SERPINF1: variants seen among roughly 807,000 people sequenced by gnomAD.
SERPINF1 encodes the protein serpin family F member 1.
SERPINF1 carries 29 observed loss-of-function variants against 37.3 expected under a neutral mutation model. The observed-to-expected ratio is 0.78, with a 90% CI of 0.58 to 1.06. SERPINF1 has a LOEUF of 1.06. SERPINF1 is among the 50% of genes least tolerant of loss of function. The probability of loss-of-function intolerance (pLI) is 0.00; values close to 1 mark genes in which losing one functional copy is unlikely to be tolerated. For missense variants in SERPINF1, 553 were observed against 532.2 expected (o/e 1.04, Z -0.38); for synonymous variants, 281 against 227.9 (o/e 1.23, Z -2.10).
chr17:1,776,414 C>T, intron 6 of SERPINF1, 118 bp from the exon 7 acceptor site: 2 of 872,476 alleles, frequency 2.3e-6, no homozygotes, highest in Non-Finnish European at 3.9e-6. Flanking sequence ...AGATGAGGGG[C>T]TGGATGAAGG....
At chr17:1,773,396 C>T (rs1369032929) in intron 5 of SERPINF1, among the ~76,000 whole-genome samples, 1 of 152,200 alleles carries the variant, frequency 6.6e-6, no homozygotes, top group Non-Finnish European at 1.5e-5. Context: ...CAGGCGCCCG[C>T]CACCACACCC....
At chr17:1,773,509 C>G (rs548719865) in intron 5 of SERPINF1, among the ~76,000 whole-genome samples, 1 of 152,034 alleles carries the variant, frequency 6.6e-6, no homozygotes, top group South Asian at 2.1e-4. Context: ...CGGCCTCCCA[C>G]AGTGCTGGGA....
In SERPINF1 at chr17:1,771,880, A is replaced by G. The variant is rs62640873; in HGVS notation, c.448A>G (p.Ile150Val). Residue 150 changes from isoleucine to valine, a missense_variant, in exon 5 of 8, where the codon ATA becomes GTA. Coordinates refer to ENST00000254722, the MANE Select transcript of SERPINF1 (RefSeq NM_002615.7). ...SRIVFEKKLRIKSSFVAPLEK... is the reference protein window; with the variant it reads ...SRIVFEKKLRVKSSFVAPLEK... ...GCTCCGCCTCTTCTCAGAGCTGCGCATAAAATCCAGCTTTGTGGCACCTCT... is the reference window on the plus strand; with the variant it reads ...GCTCCGCCTCTTCTCAGAGCTGCGCGTAAAATCCAGCTTTGTGGCACCTCT... 1,607 of 1,612,824 alleles carry G rather than the reference A, an allele frequency of 1.0e-3. 18 individuals are homozygous for G. The African/African-American group carries it at 0.019, about 19-fold the overall frequency.
chr17:1,771,217 G>A (rs1907714126), intron 4 of SERPINF1, 33 bp downstream of exon 4: 4 of 1,609,858 alleles, frequency 2.5e-6, no homozygotes, highest in Non-Finnish European at 2.5e-6. Flanking sequence ...GTTGCCTGAG[G>A]CATGTGGGCT....
chr17:1,765,040 C>T (rs961637525), intron 1 of SERPINF1, among the ~76,000 whole-genome samples: 3 of 151,402 alleles, frequency 2.0e-5, no homozygotes, highest in Non-Finnish European at 4.4e-5. Flanking sequence ...GATGGGGTTT[C>T]TCCATGTTGG....
chr17:1,762,535 C>T (rs1365600530), intron 1 of SERPINF1, among the ~76,000 whole-genome samples: 2 of 152,178 alleles, frequency 1.3e-5, no homozygotes, highest in East Asian at 1.9e-4. Context: ...GGAAGGCGGC[C>T]GCCCTGCAGC....
intron 5 of SERPINF1, among the ~76,000 whole-genome samples, chr17:1,773,006 G>A (rs183057052): frequency 6.6e-6 from 1 of 152,264 alleles, no homozygotes; most frequent in East Asian, 1.9e-4. Context: ...ATGGATGGCA[G>A]ACATCAGAAG....
At position 1,772,094 on chromosome 17, in the gene SERPINF1, C is replaced by A. The variant is rs776615374; in HGVS notation, c.643+19C>A. On this transcript the variant is annotated intron_variant, in intron 5 of 7. Coordinates refer to ENST00000254722, the MANE Select transcript of SERPINF1 (RefSeq NM_002615.7). ...TTCAAGGGTGAGCGCGTCTCCAATT[C>A]TTTTTCATTTATTTTACTGTATTTT... 1.9e-6 allele frequency: 3 copies of A among 1,607,534 alleles called. No individual in the cohort carries two copies. The highest frequency in any genetic ancestry group is 2.5e-6 in the Non-Finnish European group (3 of 1,177,122).
At chr17:1,767,643 T>TG (rs1484388423) in intron 2 of SERPINF1, among the ~76,000 whole-genome samples, 64 of 152,304 alleles carry the variant, frequency 4.2e-4, no homozygotes, top group Non-Finnish European at 1.2e-4. Context: ...ATGAGTGTTA[T>TG]GGGGTGAGTG....
chr17:1,766,918 C>T lies in SERPINF1; in HGVS notation c.8C>T (p.Ala3Val), dbSNP rs993353671. The T allele has an allele frequency of 2.0e-5, 32 of 1,561,374 alleles. No individual in the cohort carries two copies. Among genetic ancestry groups the T allele is most frequent in the African/African-American group, 4.1e-5 (3 of 73,596 alleles). MQ[A>V]LVLLLCIGAL... is the part of the protein sequence containing the mutation. ...TTTCTTGCAGGCCCCAGGATGCAGGCCCTGGTGCTACTCCTCTGCATTGGA... is the reference window on the plus strand; with the variant it reads ...TTTCTTGCAGGCCCCAGGATGCAGGTCCTGGTGCTACTCCTCTGCATTGGA... Residue 3 changes from alanine (A) to valine (V), a missense_variant, in exon 2 of 8, where the codon GCC becomes GTC. By Grantham distance (64) the Ala-to-Val change is moderately conservative. Coordinates refer to ENST00000254722, the MANE Select transcript of SERPINF1 (RefSeq NM_002615.7).
intron 1 of SERPINF1, among the ~76,000 whole-genome samples, chr17:1,765,689 G>C (rs1838001150): frequency 6.6e-6 from 1 of 151,956 alleles, no homozygotes; most frequent in African/African-American, 2.4e-5. Flanking sequence ...GATTTAAAGA[G>C]CTACTAAGAC....
chr17:1,770,652 G>T, intron 3 of SERPINF1: 2 of 296,546 alleles, frequency 6.7e-6, no homozygotes, highest in South Asian at 6.5e-5. Context: ...TAGAGACGGG[G>T]TTTCACCATG....
rs1804145 is a variant in SERPINF1, at chr17:1,771,140, C to G, written c.395C>G (p.Pro132Arg). ...YKELLDTVTA[P>R]QKNLKSASRI... ...GAGCTCCTTGACACGGTCACTGCCCCCCAGAAGAACCTCAAGAGTGCCTCC... is the reference window on the plus strand; with the variant it reads ...GAGCTCCTTGACACGGTCACTGCCCGCCAGAAGAACCTCAAGAGTGCCTCC... Residue 132 changes from proline to arginine, a missense_variant, in exon 4 of 8, where the codon CCC becomes CGC. Physicochemically the swap from Pro to Arg is moderately radical, Grantham distance 103 (BLOSUM62 -2). Coordinates refer to ENST00000254722, the MANE Select transcript of SERPINF1 (RefSeq NM_002615.7). 0.028 allele frequency: 45,547 copies of G among 1,614,046 alleles called. 774 individuals carry two copies. The highest frequency in any genetic ancestry group is 0.047 in the Middle Eastern group (285 of 6,058).
chr17:1,771,285 G>T lies in SERPINF1; in HGVS notation c.439+101G>T, dbSNP rs1439065151. 6.3e-6 allele frequency: 8 copies of T among 1,269,446 alleles called. No individual in the cohort carries two copies. In the African/African-American group the frequency reaches 1.3e-4, roughly 20 times the overall value. The allele number at this position is 1,269,446 out of a possible 1,614,324, so 78.6% of individuals were successfully genotyped here. ...TTTTTTTGAGACGGAGTCTCGCTCT[G>T]TTGCCCAGGCTGGAGTGCAGTGGCG... On this transcript the variant is annotated intron_variant, in intron 4 of 7. Transcript: ENST00000254722.
intron 6 of SERPINF1, among the ~76,000 whole-genome samples, chr17:1,775,839 T>C (rs1162809083): frequency 1.3e-5 from 2 of 152,260 alleles, no homozygotes; most frequent in African/African-American, 4.8e-5. Flanking sequence ...TGGCCAATCG[T>C]TGGCATTCTA....
At chr17:1,769,601 G>A (rs953435460) in intron 2 of SERPINF1, 5 of 545,824 alleles carry the variant, frequency 9.2e-6, no homozygotes, top group African/African-American at 7.6e-5. Flanking sequence ...TCTAGCCTGG[G>A]TGACACAGTA....
chr17:1,776,392 G>A (rs774360440), intron 6 of SERPINF1, 140 bp from the exon 7 acceptor site: 19 of 779,626 alleles, frequency 2.4e-5, no homozygotes, highest in Non-Finnish European at 3.8e-5. Flanking sequence ...CCTGGAAGGG[G>A]AATTGTTAAA....
chr17:1,774,005 A>C (rs80113936), intron 5 of SERPINF1, among the ~76,000 whole-genome samples: 3,351 of 152,268 alleles, frequency 0.022, 135 homozygotes, highest in African/African-American at 0.076. Context: ...ATTATAGGTC[A>C]CATTAAACTA....
chr17:1,764,160 C>T (rs567402199), intron 1 of SERPINF1, among the ~76,000 whole-genome samples: 27 of 152,282 alleles, frequency 1.8e-4, no homozygotes, highest in Admixed American at 7.8e-4. Flanking sequence ...TTAGCCTGGG[C>T]GACAAGAGTG....
Sources: allele counts gnomAD v4.1 joint callset (sites outside exome capture counted in the v4.1 genomes callset), GRCh38; gene constraint gnomAD v4.1.1; transcripts MANE v1.5; gene names NCBI Gene and HGNC (gene_info 2026-07-23, HGNC 2026-07-21).